Variants in SLC30A8 observed in about 807,000 individuals in gnomAD.
The protein encoded by SLC30A8 is proton-coupled zinc antiporter SLC30A8.
In SLC30A8, 27 loss-of-function variants were observed where a neutral mutation model predicts 36.9. That is an observed-to-expected ratio of 0.73 (90% CI 0.54 to 1.01). The LOEUF is 1.01. Ranked by LOEUF, SLC30A8 falls within the 50% of genes least tolerant of loss-of-function variation. SLC30A8 has a pLI of 0.00. For synonymous variants in SLC30A8, 164 were observed against 172.4 expected (o/e 0.95, Z 0.38); for missense variants, 439 against 452.0 (o/e 0.97, Z 0.26).
intron 1 of SLC30A8, among the ~76,000 whole-genome samples, chr8:117,007,897 A>C (rs148906750): frequency 5.3e-4 from 81 of 152,350 alleles, no homozygotes; most frequent in African/African-American, 1.8e-3. Flanking sequence ...ACACTTAAAA[A>C]CACAAATATA....
At chr8:117,151,441 C>G (rs1822185299) in intron 2 of SLC30A8, among the ~76,000 whole-genome samples, 1 of 152,214 alleles carries the variant, frequency 6.6e-6, no homozygotes, top group Admixed American at 6.5e-5. Flanking sequence ...CACAAACTAC[C>G]TCTTGCAAGC....
intron 1 of SLC30A8, among the ~76,000 whole-genome samples, chr8:117,023,197 C>T (rs899765026): frequency 1.6e-4 from 24 of 152,148 alleles, no homozygotes; most frequent in Non-Finnish European, 8.8e-5. Context: ...GTTAGAATGG[C>T]TATCATTAAA....
chr8:117,028,718 T>C (rs1586418140), intron 1 of SLC30A8, among the ~76,000 whole-genome samples: 1 of 152,118 alleles, frequency 6.6e-6, no homozygotes, highest in East Asian at 1.9e-4. Flanking sequence ...ACATATAATA[T>C]ACATATGACA....
At chr8:117,017,107 G>A (rs12675339) in intron 1 of SLC30A8, among the ~76,000 whole-genome samples, 64,846 of 151,736 alleles carry the variant, frequency 0.43, 14,419 homozygotes, top group East Asian at 0.55. Flanking sequence ...GTAAAAGGGG[G>A]GAAATAGTGT....
chr8:116,979,003 G>A lies in SLC30A8; in HGVS notation c.-266+27884G>A, dbSNP rs893464364. ...TGTAATCCCAGCACTTTGGAAGGCC[G>A]AGGAGGGTGGATCACTTGAGGTCAG... On this transcript the variant is annotated intron_variant, in intron 1 of 10. Coordinates refer to the SLC30A8 transcript ENST00000427715. Among the ~76,000 whole-genome samples the A allele has an allele frequency of 9.3e-5, 14 of 151,190 alleles. 1 individual carries two copies. Among genetic ancestry groups the A allele is most frequent in the Admixed American group, 8.6e-4 (13 of 15,182 alleles).
intron 2 of SLC30A8, among the ~76,000 whole-genome samples, chr8:117,103,089 A>G (rs1185597061): frequency 1.3e-5 from 2 of 152,104 alleles, no homozygotes; most frequent in Non-Finnish European, 2.9e-5. Context: ...CCTCTTCTAA[A>G]TCATTTAAAT....
intron 2 of SLC30A8, among the ~76,000 whole-genome samples, chr8:117,062,538 C>A (rs570619641): frequency 6.6e-6 from 1 of 152,232 alleles, no homozygotes; most frequent in Non-Finnish European, 1.5e-5. Context: ...ATGAGAGATA[C>A]ACCCCTGATC....
At chr8:117,052,203 G>T (rs1011507065) in intron 2 of SLC30A8, among the ~76,000 whole-genome samples, 5 of 152,102 alleles carry the variant, frequency 3.3e-5, no homozygotes, top group East Asian at 1.9e-4. Flanking sequence ...TAGAGACAGG[G>T]TTTCATCATG....
At chr8:117,059,126 G>A (rs113348317) in intron 2 of SLC30A8, among the ~76,000 whole-genome samples, 328 of 152,158 alleles carry the variant, frequency 2.2e-3, no homozygotes, top group African/African-American at 7.7e-3. Flanking sequence ...CCAACAGCAG[G>A]GCTAACTTAT....
At chr8:117,042,919 G>T (rs939490279) in intron 2 of SLC30A8, among the ~76,000 whole-genome samples, 2 of 152,080 alleles carry the variant, frequency 1.3e-5, no homozygotes, top group African/African-American at 4.8e-5. Flanking sequence ...CAGGTGATCC[G>T]CTGGCCTTGG....
At chr8:117,058,882 G>A (rs1258928319) in intron 2 of SLC30A8, among the ~76,000 whole-genome samples, 9 of 152,042 alleles carry the variant, frequency 5.9e-5, no homozygotes, top group Admixed American at 5.2e-4. Flanking sequence ...AGAGTTGAGA[G>A]GTTAAAACAA....
intron 2 of SLC30A8, among the ~76,000 whole-genome samples, chr8:117,092,439 T>C (rs1819175231): frequency 1.3e-5 from 2 of 152,018 alleles, no homozygotes; most frequent in Non-Finnish European, 2.9e-5. Context: ...TGGATCTTAG[T>C]GCCTTTAACA....
intron 2 of SLC30A8, among the ~76,000 whole-genome samples, chr8:117,047,951 A>G (rs556911476): frequency 6.6e-6 from 1 of 152,338 alleles, no homozygotes; most frequent in African/African-American, 2.4e-5. Context: ...CCATGGCAAC[A>G]TCAGGAAGTT....
At chr8:116,959,348 A>G (rs1214897368) in intron 1 of SLC30A8, among the ~76,000 whole-genome samples, 1 of 152,154 alleles carries the variant, frequency 6.6e-6, no homozygotes, top group Non-Finnish European at 1.5e-5. Flanking sequence ...TATCTTTTAA[A>G]GCATATAGAA....
At chr8:116,987,441 A>AAAATG (rs557622276) in intron 1 of SLC30A8, among the ~76,000 whole-genome samples, 1 of 147,856 alleles carries the variant, frequency 6.8e-6, no homozygotes, top group African/African-American at 2.5e-5. Context: ...ATAATAAAAT[A>AAAATG]AAAAATGCAC....
upstream of SLC30A8, chr8:117,130,225 G>A (rs767312659): frequency 2.0e-5 from 3 of 151,942 alleles, no homozygotes; most frequent in Non-Finnish European, 2.9e-5. Context: ...TGGATTCAAC[G>A]TGAAAAGCAA....
chr8:117,070,211 T>C (rs969895484), intron 2 of SLC30A8, among the ~76,000 whole-genome samples: 3 of 152,222 alleles, frequency 2.0e-5, no homozygotes, highest in African/African-American at 7.2e-5. Flanking sequence ...CAGATTTTTT[T>C]TTCTCTCATG....
chr8:117,089,792 T>TACGAAGCTCCACCATAACTGACTC (rs1264840506), intron 2 of SLC30A8, among the ~76,000 whole-genome samples: 2 of 152,144 alleles, frequency 1.3e-5, no homozygotes, highest in Non-Finnish European at 2.9e-5. Context: ...CAGCATGACT[T>TACGAAGCTCCACCATAACTGACTC]ACGAAGCTCC....
At chr8:117,013,618 C>A (rs1481814512) in intron 1 of SLC30A8, among the ~76,000 whole-genome samples, 1 of 151,986 alleles carries the variant, frequency 6.6e-6, no homozygotes, top group Non-Finnish European at 1.5e-5. Flanking sequence ...AAAATGACAA[C>A]CATATATATA....
Sources: allele counts gnomAD v4.1 joint callset (sites outside exome capture counted in the v4.1 genomes callset), GRCh38; gene constraint gnomAD v4.1.1; transcripts MANE v1.5; gene names NCBI Gene and HGNC (gene_info 2026-07-23, HGNC 2026-07-21).